SRPK2: variants seen among roughly 807,000 people sequenced by gnomAD.
SRPK2 encodes SRSF protein kinase 2.
In SRPK2, 21 loss-of-function variants were observed where a neutral mutation model predicts 90.8. That is an observed-to-expected ratio of 0.23 (90% CI 0.16 to 0.33). The LOEUF is 0.33. Ranked by LOEUF, SRPK2 falls within the 10% of genes least tolerant of loss-of-function variation. The probability of loss-of-function intolerance (pLI) is 1.00; values close to 1 mark genes in which losing one functional copy is unlikely to be tolerated. For missense variants in SRPK2, 620 were observed against 869.0 expected (o/e 0.71, Z 3.60); for synonymous variants, 288 against 311.1 (o/e 0.93, Z 0.78).
chr7:105,238,880 A>G (rs1172860301), intron 2 of SRPK2, among the ~76,000 whole-genome samples: 1 of 152,126 alleles, frequency 6.6e-6, no homozygotes, highest in Non-Finnish European at 1.5e-5. Context: ...TTTGGAGCAC[A>G]CTCTTCTAAG....
intron 7 of SRPK2, among the ~76,000 whole-genome samples, chr7:105,159,814 AT>A (rs931448839): frequency 9.2e-5 from 14 of 152,100 alleles, no homozygotes; most frequent in African/African-American, 2.7e-4. Flanking sequence ...AAACATTTCC[AT>A]TTTTTTCCCC....
Position 105,357,157 on chromosome 7 carries a change from C to T in SRPK2, c.71+31491G>A, listed in dbSNP as rs1817871264. 2.0e-5 allele frequency among the ~76,000 whole-genome samples: 3 copies of T among 152,172 alleles called. No homozygotes were observed. In the South Asian group the frequency reaches 6.2e-4, roughly 32 times the overall value. On this transcript the variant is annotated intron_variant, in intron 2 of 15. Transcript: ENST00000393651. ...GTTCATGCCATTCTCCTGCCTCAGC[C>T]TCCCGGGTAGCTGGGACTACAGGCG... is the stretch of plus-strand genomic sequence containing the variant.
intron 2 of SRPK2, among the ~76,000 whole-genome samples, chr7:105,351,661 GGGTGTGGT>G (rs1305532902): frequency 6.6e-6 from 1 of 151,830 alleles, no homozygotes; most frequent in Non-Finnish European, 1.5e-5. Flanking sequence ...AAAATTAGCT[GGGTGTGGT>G]GGCCGGCACC....
intron 2 of SRPK2, among the ~76,000 whole-genome samples, chr7:105,348,668 C>G (rs1816773982): frequency 6.6e-6 from 1 of 151,316 alleles, no homozygotes; most frequent in African/African-American, 2.4e-5. Flanking sequence ...GGTGATCCAA[C>G]TGCCTCGGCC....
In SRPK2 at chr7:105,183,411, C is replaced by G. The variant is rs1260122486; in HGVS notation, c.230-14146G>C. Among the ~76,000 whole-genome samples the G allele has an allele frequency of 2.6e-5, 4 of 152,172 alleles. No individual in the cohort carries two copies. The South Asian group carries it at 6.2e-4, about 24-fold the overall frequency. ...AATTTTAAATGCACTTGGGGATCAG[C>G]AGGAATCCTACAACTGCACAATGGT... On this transcript the variant is annotated intron_variant, in intron 3 of 15. Transcript: ENST00000393651.
At chr7:105,289,736 T>C (rs535528945) in intron 2 of SRPK2, among the ~76,000 whole-genome samples, 1 of 152,322 alleles carries the variant, frequency 6.6e-6, no homozygotes, top group African/African-American at 2.4e-5. Flanking sequence ...TAAATTTCCG[T>C]CAAAAATTTT....
At chr7:105,268,406 C>A (rs1212837103) in intron 2 of SRPK2, among the ~76,000 whole-genome samples, 1 of 152,208 alleles carries the variant, frequency 6.6e-6, no homozygotes, top group Non-Finnish European at 1.5e-5. Flanking sequence ...TTTTAACCTA[C>A]ATTTTACAAA....
At chr7:105,399,017 T>C (rs1822400604) in intron 1 of SRPK2, 1 of 152,236 alleles carries the variant, frequency 6.6e-6, no homozygotes, top group Non-Finnish European at 1.5e-5. Flanking sequence ...GAAACACTTA[T>C]AGAAGTATCT....
chr7:105,367,693 G>T (rs753082023), intron 2 of SRPK2, among the ~76,000 whole-genome samples: 1 of 151,924 alleles, frequency 6.6e-6, no homozygotes, highest in Non-Finnish European at 1.5e-5. Context: ...ATTTAACACT[G>T]CACCTTTATG....
intron 2 of SRPK2, among the ~76,000 whole-genome samples, chr7:105,278,550 G>A (rs1439581764): frequency 1.3e-5 from 2 of 151,486 alleles, no homozygotes; most frequent in Non-Finnish European, 2.9e-5. Flanking sequence ...GCCGGGAGTG[G>A]TGGCATGTGC....
chr7:105,386,831 G>A (rs1310560660), intron 2 of SRPK2, among the ~76,000 whole-genome samples: 1 of 152,230 alleles, frequency 6.6e-6, no homozygotes, highest in Non-Finnish European at 1.5e-5. Flanking sequence ...ACTAGAGCCA[G>A]TTCGTTTCAT....
chr7:105,115,336 T>A (rs1055194657), downstream of SRPK2: 1 of 152,224 alleles, frequency 6.6e-6, no homozygotes, highest in African/African-American at 2.4e-5. Flanking sequence ...AGCAAGTTAG[T>A]AAATCGGTTT....
chr7:105,157,380 T>C (rs1205981884), intron 7 of SRPK2, among the ~76,000 whole-genome samples: 1 of 152,118 alleles, frequency 6.6e-6, no homozygotes, highest in African/African-American at 2.4e-5. Context: ...GGAAATGATA[T>C]AACTGTGTCA....
rs111452727 is a variant in SRPK2 at position 105,247,933 on chromosome 7, C to CA, written c.72-44149dup. On this transcript the variant is annotated intron_variant, in intron 2 of 15. Coordinates refer to ENST00000393651, the MANE Select transcript of SRPK2 (RefSeq NM_182692.3). ...GTGCCCAGGCTGGAGTGCAATGGTGCAACCTCCACCTCCCGGGTTCAAGCG... is the reference window on the plus strand; with the variant it reads ...GTGCCCAGGCTGGAGTGCAATGGTGCAAACCTCCACCTCCCGGGTTCAAGCG... 2.0e-5 allele frequency among the ~76,000 whole-genome samples: 3 copies of CA among 150,792 alleles called. No homozygotes were observed. The South Asian group carries it at 6.3e-4, about 32-fold the overall frequency.
intron 2 of SRPK2, among the ~76,000 whole-genome samples, chr7:105,211,758 C>T (rs1796893819): frequency 6.6e-6 from 1 of 152,126 alleles, no homozygotes; most frequent in Admixed American, 6.6e-5. Context: ...ATATCACTCC[C>T]CAAGTCCTAA....
At chr7:105,190,041 C>T (rs1020045708) in intron 3 of SRPK2, among the ~76,000 whole-genome samples, 7 of 152,124 alleles carry the variant, frequency 4.6e-5, no homozygotes, top group African/African-American at 9.7e-5. Flanking sequence ...TGTGGCAGAA[C>T]GCCACAGCAT....
In SRPK2 at chr7:105,122,235, C is replaced by T. The variant is rs1244203646; in HGVS notation, c.1915+4013G>A. Among the ~76,000 whole-genome samples the T allele has an allele frequency of 2.0e-5, 3 of 152,228 alleles. No homozygotes were observed. The East Asian group carries it at 5.8e-4, about 29-fold the overall frequency. On this transcript the variant is annotated intron_variant, in intron 15 of 15. Transcript: ENST00000393651. ...TAAATCTTCATGACCTTGAAGTAGGCAATGATTTATTAGATGTGACATCAA... is the reference window on the plus strand; with the variant it reads ...TAAATCTTCATGACCTTGAAGTAGGTAATGATTTATTAGATGTGACATCAA...
At chr7:105,263,367 A>C (rs956366072) in intron 2 of SRPK2, among the ~76,000 whole-genome samples, 1 of 152,146 alleles carries the variant, frequency 6.6e-6, no homozygotes, top group Non-Finnish European at 1.5e-5. Flanking sequence ...CACTATTCCT[A>C]ATAACCACAA....
chr7:105,194,823 C>G (rs1020793600), intron 3 of SRPK2, among the ~76,000 whole-genome samples: 1 of 152,102 alleles, frequency 6.6e-6, no homozygotes, highest in Non-Finnish European at 1.5e-5. Context: ...ACCTTTAGAG[C>G]AAGCATTGAC....
Sources: gnomAD v4.1 joint callset for allele counts (sites outside exome capture counted in the v4.1 genomes callset) on GRCh38, gnomAD v4.1.1 for gene constraint, MANE v1.5 for transcripts, NCBI Gene and HGNC (gene_info 2026-07-23, HGNC 2026-07-21) for gene names.